TMEM132D: variants seen among roughly 807,000 people sequenced by gnomAD.
The protein encoded by TMEM132D is transmembrane protein 132D, also known as mature OL transmembrane protein.
TMEM132D carries 21 observed loss-of-function variants against 62.3 expected under a neutral mutation model. That is an observed-to-expected ratio of 0.34 (90% CI 0.24 to 0.49). TMEM132D has a LOEUF of 0.49. Ranked by LOEUF, TMEM132D falls within the 20% of genes least tolerant of loss-of-function variation. TMEM132D has a pLI of 0.99. For synonymous variants in TMEM132D, 621 were observed against 575.6 expected, an observed-to-expected ratio of 1.08 and a Z score of -1.13; for missense variants, 1,346 against 1,402.8, an observed-to-expected ratio of 0.96 and a Z score of 0.65.
chr12:129,473,875 G>A (rs1291118705), intron 3 of TMEM132D, among the ~76,000 whole-genome samples: 1 of 152,168 alleles, frequency 6.6e-6, no homozygotes, highest in Non-Finnish European at 1.5e-5. Context: ...CATAGTAGAT[G>A]CTCAACAAAA....
At position 129,903,297 on chromosome 12, in the gene TMEM132D, G is replaced by T; in HGVS notation, c.43C>A (p.Pro15Thr). 6.4e-7 allele frequency: 1 copy of T among 1,554,554 alleles called. No individual in the cohort carries two copies. Among genetic ancestry groups the T allele is most frequent in the Non-Finnish European group, 8.7e-7 (1 of 1,148,710 alleles). The change falls in exon 1 of 9, where the codon CCG (proline) becomes ACG (threonine). Residue 15 changes from proline (P) to threonine (T), a missense_variant. Pro to Thr is a conservative substitution (Grantham distance 38, BLOSUM62 -1). Transcript: ENST00000422113. This position sits in a 1 kb window ranked among gnomAD's most constrained non-coding sequence, Gnocchi z 6.2. Reference protein sequence around the residue: ...EMGTLWHHWSPVLISLAALFS... With the variant: ...EMGTLWHHWSTVLISLAALFS... The stretch of plus-strand genomic sequence containing the variant: ...AGGGCGGCCAGGCTGATGAGTACCG[G>T]CGACCAGTGGTGCCACAGCGTCCCC...
chr12:129,100,399 G>C (rs1489436987), intron 5 of TMEM132D, among the ~76,000 whole-genome samples: 1 of 152,198 alleles, frequency 6.6e-6, no homozygotes, highest in Non-Finnish European at 1.5e-5. Flanking sequence ...AGAAGACTTG[G>C]AGAGCGTCTG....
At chr12:129,153,944 G>A (rs572191225) in intron 5 of TMEM132D, among the ~76,000 whole-genome samples, 6 of 152,326 alleles carry the variant, frequency 3.9e-5, no homozygotes, top group East Asian at 3.9e-4. Flanking sequence ...ATGACACAGC[G>A]TGGCTGAGGC....
intron 1 of TMEM132D, among the ~76,000 whole-genome samples, chr12:129,812,294 AAAG>A (rs1358872328): frequency 6.6e-6 from 1 of 151,684 alleles, no homozygotes; most frequent in African/African-American, 2.4e-5. Context: ...TGTTTTCACC[AAAG>A]AAGACTCTGC....
At chr12:129,888,614 G>C (rs1372511556) in intron 1 of TMEM132D, among the ~76,000 whole-genome samples, 2 of 152,182 alleles carry the variant, frequency 1.3e-5, no homozygotes, top group Non-Finnish European at 2.9e-5. Flanking sequence ...TGAGGCAGGA[G>C]AATCACTTGA....
intron 5 of TMEM132D, among the ~76,000 whole-genome samples, chr12:129,102,327 T>C (rs1875337041): frequency 6.6e-6 from 1 of 151,884 alleles, no homozygotes; most frequent in East Asian, 1.9e-4. Flanking sequence ...TGTACACACT[T>C]ACACATGCAC....
At chr12:129,540,757 C>T (rs141962382) in intron 2 of TMEM132D, among the ~76,000 whole-genome samples, 94 of 152,230 alleles carry the variant, frequency 6.2e-4, no homozygotes, top group East Asian at 2.1e-3. Flanking sequence ...CCTAAAGTAA[C>T]GAGATTACAG....
intron 5 of TMEM132D, among the ~76,000 whole-genome samples, chr12:129,115,308 C>T (rs1875861384): frequency 6.6e-6 from 1 of 152,202 alleles, no homozygotes; most frequent in South Asian, 2.1e-4. Flanking sequence ...CACGATTATC[C>T]TCCTGGACGA....
At chr12:129,157,856 T>C (rs1429865862) in intron 5 of TMEM132D, among the ~76,000 whole-genome samples, 1 of 152,210 alleles carries the variant, frequency 6.6e-6, no homozygotes, top group African/African-American at 2.4e-5. Flanking sequence ...ATCCACTTGC[T>C]AGAATGCTAG....
intron 2 of TMEM132D, among the ~76,000 whole-genome samples, chr12:129,687,535 G>T (rs1029910553): frequency 1.3e-5 from 2 of 151,996 alleles, no homozygotes; most frequent in Non-Finnish European, 2.9e-5. Flanking sequence ...GAAGAGTTAG[G>T]TTGTTTCCTC....
chr12:129,268,578 C>T (rs1880761552), intron 4 of TMEM132D, among the ~76,000 whole-genome samples: 2 of 152,232 alleles, frequency 1.3e-5, no homozygotes, highest in Non-Finnish European at 2.9e-5. Flanking sequence ...CACTGTTACA[C>T]TGTTGGTGGG....
At chr12:129,590,593 A>C (rs765259188) in intron 2 of TMEM132D, among the ~76,000 whole-genome samples, 1 of 152,204 alleles carries the variant, frequency 6.6e-6, no homozygotes, top group African/African-American at 2.4e-5. Context: ...GAAGGGTGAG[A>C]AGATCGCTCA....
chr12:129,079,290 G>A (rs567256686), intron 7 of TMEM132D, among the ~76,000 whole-genome samples: 1 of 152,264 alleles, frequency 6.6e-6, no homozygotes, highest in South Asian at 2.1e-4. Context: ...TTTGGGAAAC[G>A]CAGCGCATGA....
intron 2 of TMEM132D, among the ~76,000 whole-genome samples, chr12:129,647,243 G>GTTTTTTTTTTT (rs57450911): frequency 6.0e-5 from 7 of 117,586 alleles, no homozygotes; most frequent in Non-Finnish European, 8.4e-5. Flanking sequence ...TTGTTTTTCT[G>GTTTTTTTTTTT]TTTTTTTTTT....
At chr12:129,492,216 C>G (rs990059238) in intron 3 of TMEM132D, among the ~76,000 whole-genome samples, 4 of 152,088 alleles carry the variant, frequency 2.6e-5, no homozygotes, top group African/African-American at 9.7e-5. Flanking sequence ...AAGCCAATTA[C>G]AAATAGTTTT....
chr12:129,329,755 G>T (rs555564685), intron 4 of TMEM132D, among the ~76,000 whole-genome samples: 1 of 152,252 alleles, frequency 6.6e-6, no homozygotes, highest in South Asian at 2.1e-4. Context: ...TTTCTGCTGG[G>T]GGATATCAGG....
chr12:129,458,357 C>T (rs1387679671), intron 3 of TMEM132D, among the ~76,000 whole-genome samples: 1 of 150,998 alleles, frequency 6.6e-6, no homozygotes, highest in African/African-American at 2.4e-5. Context: ...TGGTGTTGGC[C>T]TTTCACAAGC....
chr12:129,434,788 A>AC (rs1257796177), intron 3 of TMEM132D, among the ~76,000 whole-genome samples: 5 of 152,052 alleles, frequency 3.3e-5, no homozygotes, highest in Non-Finnish European at 5.9e-5. Context: ...CATATCCATC[A>AC]CCCCAAACAT....
chr12:129,293,834 C>T (rs920767222), intron 4 of TMEM132D, among the ~76,000 whole-genome samples: 2 of 152,122 alleles, frequency 1.3e-5, no homozygotes, highest in African/African-American at 4.8e-5. Flanking sequence ...CGCTCGCTTG[C>T]CCATCACTTG....
Sources: gnomAD v4.1 joint callset for allele counts (sites outside exome capture counted in the v4.1 genomes callset) on GRCh38, gnomAD v4.1.1 for gene constraint, Gnocchi (gnomAD v3.1) non-coding constraint, MANE v1.5 for transcripts, NCBI Gene and HGNC (gene_info 2026-07-23, HGNC 2026-07-21) for gene names.